Variants in DUSP16 observed in about 807,000 individuals in gnomAD.
DUSP16 encodes dual specificity protein phosphatase 16.
DUSP16 carries 21 observed loss-of-function variants against 58.3 expected under a neutral mutation model. The observed-to-expected ratio is 0.36, with a 90% CI of 0.26 to 0.52. The LOEUF (loss-of-function observed/expected upper bound fraction) is 0.52, where lower values mean the gene tolerates loss of function less well. DUSP16 is among the 20% of genes least tolerant of loss of function. The pLI is 0.94. For synonymous variants in DUSP16, 320 were observed against 323.8 expected (o/e 0.99, Z 0.12); for missense variants, 726 against 819.0 (o/e 0.89, Z 1.39).
Position 12,477,827 on chromosome 12 carries a change from G to T in DUSP16, c.1004C>A (p.Thr335Lys). Residue 335 changes from threonine to lysine, a missense_variant, in exon 7 of 7, where the codon ACG (threonine) becomes AAG (lysine). Thr to Lys is a moderately conservative substitution (Grantham distance 78, BLOSUM62 -1). Transcript: ENST00000298573. This position sits in a 1 kb window ranked among gnomAD's most constrained non-coding sequence, Gnocchi z 4.1. ...GTCGGCACAGGGTGGACTGAGGGGC[G>T]TCTCGCTTTTCTGTCCACCCTCTGA... ...AVSEGGQKSETPLSPPCADSA... is the reference protein window; with the variant it reads ...AVSEGGQKSEKPLSPPCADSA... The T allele has an allele frequency of 6.2e-7, 1 of 1,614,062 alleles. No individual in the cohort carries two copies. Among genetic ancestry groups the T allele is most frequent in the Admixed American group, 1.7e-5 (1 of 60,026 alleles).
At chr12:12,532,927 G>T (rs1299733909) in intron 1 of DUSP16, among the ~76,000 whole-genome samples, 2 of 144,322 alleles carry the variant, frequency 1.4e-5, no homozygotes, top group Non-Finnish European at 3.0e-5. Flanking sequence ...CAGCCTGGGG[G>T]ACGAGAGCGA....
At chr12:12,506,709 C>G (rs1282546259) in intron 3 of DUSP16, among the ~76,000 whole-genome samples, 3 of 152,226 alleles carry the variant, frequency 2.0e-5, no homozygotes, top group Non-Finnish European at 4.4e-5. Flanking sequence ...TATTTCCAGC[C>G]TGCTGAGAAA....
intron 3 of DUSP16, among the ~76,000 whole-genome samples, chr12:12,509,639 G>A (rs1162870959): frequency 6.6e-6 from 1 of 152,116 alleles, no homozygotes; most frequent in African/African-American, 2.4e-5. Flanking sequence ...TACTTCTCCA[G>A]CTATTGTGAG....
intron 1 of DUSP16, among the ~76,000 whole-genome samples, chr12:12,553,443 G>A (rs1242235887): frequency 6.6e-6 from 1 of 152,086 alleles, no homozygotes; most frequent in African/African-American, 2.4e-5. Flanking sequence ...TGTCTTCCAA[G>A]GATAAAAGAG....
At chr12:12,532,173 A>T (rs992298778) in intron 1 of DUSP16, among the ~76,000 whole-genome samples, 36 of 151,446 alleles carry the variant, frequency 2.4e-4, no homozygotes, top group African/African-American at 6.1e-4. Context: ...TCAAAAAAAA[A>T]ACAAAACAAA....
intron 1 of DUSP16, among the ~76,000 whole-genome samples, chr12:12,536,510 C>T (rs1009979702): frequency 2.6e-5 from 4 of 152,134 alleles, no homozygotes; most frequent in African/African-American, 9.7e-5. Flanking sequence ...TTTGGGAGGC[C>T]GAGGCTGATG....
intron 1 of DUSP16, among the ~76,000 whole-genome samples, chr12:12,527,471 AAC>A (rs929793753): frequency 6.6e-5 from 10 of 152,102 alleles, no homozygotes; most frequent in African/African-American, 2.4e-4. Context: ...AATAAAAACA[AAC>A]ACAAAAAACC....
At chr12:12,487,485 A>C (rs1943702044) in intron 4 of DUSP16, among the ~76,000 whole-genome samples, 1 of 152,236 alleles carries the variant, frequency 6.6e-6, no homozygotes, top group African/African-American at 2.4e-5. Context: ...CAAAGAATAC[A>C]AAAGAAAACA....
chr12:12,553,995 T>G (rs527779497), intron 1 of DUSP16, among the ~76,000 whole-genome samples: 29 of 152,074 alleles, frequency 1.9e-4, no homozygotes, highest in African/African-American at 7.0e-4. Flanking sequence ...GTCAGGAGTT[T>G]GAGACCAGCC....
intron 3 of DUSP16, among the ~76,000 whole-genome samples, chr12:12,518,317 C>T (rs1196637233): frequency 6.6e-6 from 1 of 152,062 alleles, no homozygotes; most frequent in Non-Finnish European, 1.5e-5. Flanking sequence ...AGTTCGAGAC[C>T]AGACTGGCCA....
At position 12,477,682 on chromosome 12, in the gene DUSP16, C is replaced by T; in HGVS notation, c.1149G>A (p.Leu383=). Residue 383 remains leucine, a synonymous_variant, in exon 7 of 7, where the codon CTG becomes CTA. Coordinates refer to ENST00000298573, the MANE Select transcript of DUSP16 (RefSeq NM_030640.3). This position sits in a 1 kb window ranked among gnomAD's most constrained non-coding sequence, Gnocchi z 4.1. Reference sequence around the variant, plus strand: ...CTTCCAGCCTGTCTGCGGACAGGTGCAGCCCACTGAGCGCCTGTACCAGCG... The same window carrying T: ...CTTCCAGCCTGTCTGCGGACAGGTGTAGCCCACTGAGCGCCTGTACCAGCG... ...DSPLVQALSG[L]HLSADRLEDS... is the part of the protein sequence containing the mutation. 1 of 1,613,814 alleles carries T rather than the reference C, an allele frequency of 6.2e-7. No homozygotes were observed. Among genetic ancestry groups the T allele is most frequent in the Non-Finnish European group, 8.5e-7 (1 of 1,179,814 alleles).
At chr12:12,509,856 G>A (rs1944050110) in intron 3 of DUSP16, among the ~76,000 whole-genome samples, 1 of 152,176 alleles carries the variant, frequency 6.6e-6, no homozygotes, top group African/African-American at 2.4e-5. Context: ...GTTGGTGTGG[G>A]TGGGGGCACA....
At chr12:12,500,376 G>A (rs561858823) in intron 4 of DUSP16, 143 bp downstream of exon 4, 31 of 919,698 alleles carry the variant, frequency 3.4e-5, no homozygotes, top group East Asian at 5.8e-5. Context: ...AAGAGATGAC[G>A]CAACTGTTAC....
chr12:12,551,833 C>T (rs1944733037), intron 1 of DUSP16, among the ~76,000 whole-genome samples: 1 of 151,990 alleles, frequency 6.6e-6, no homozygotes, highest in Admixed American at 6.6e-5. Flanking sequence ...GCTAGGACTA[C>T]AGGCGTGCAC....
Position 12,473,806 on chromosome 12 carries a change from G to C in DUSP16, c.*3027C>G, listed in dbSNP as rs1228617378. On this transcript the variant is annotated 3_prime_UTR_variant, in exon 7 of 7. Coordinates refer to ENST00000298573, the MANE Select transcript of DUSP16 (RefSeq NM_030640.3). Reference sequence around the variant, plus strand: ...ATGTATGTGGCAAGGACAAAGGACAGCTCTTCAACAATTGCCCTTCCTGTT... The same window carrying C: ...ATGTATGTGGCAAGGACAAAGGACACCTCTTCAACAATTGCCCTTCCTGTT... Among the ~76,000 whole-genome samples the C allele has an allele frequency of 6.6e-6, 1 of 152,194 alleles. No homozygotes were observed. Among genetic ancestry groups the C allele is most frequent in the Non-Finnish European group, 1.5e-5 (1 of 68,038 alleles).
chr12:12,524,587 T>C (rs1373242729), intron 1 of DUSP16, among the ~76,000 whole-genome samples: 2 of 152,242 alleles, frequency 1.3e-5, no homozygotes, highest in African/African-American at 4.8e-5. Flanking sequence ...ATTTGAAAGA[T>C]GACAAGAGAA....
chr12:12,478,133 G>T (rs1316741938), intron 6 of DUSP16, 118 bp from the exon 7 acceptor site: 4 of 965,594 alleles, frequency 4.1e-6, no homozygotes, highest in African/African-American at 1.6e-5. Flanking sequence ...TTTGGAAGAT[G>T]ATTGGTTTAC....
chr12:12,476,852 T>C lies in DUSP16; in HGVS notation c.1979A>G (p.Glu660Gly), dbSNP rs1340832698. 1.9e-6 allele frequency: 3 copies of C among 1,607,572 alleles called. No individual in the cohort carries two copies. The highest frequency in any genetic ancestry group is 3.3e-5 in the Admixed American group (2 of 59,806). ...TTCTTCTCAGGAGACCTCAATGATTTCCATGCTGCCCGAAAAGCTAGACTG... is the reference window on the plus strand; with the variant it reads ...TTCTTCTCAGGAGACCTCAATGATTCCCATGCTGCCCGAAAAGCTAGACTG... ...GSQSSFSGSM[E>G]IIEVS The change falls in exon 7 of 7, where the codon GAA (glutamate) becomes GGA (glycine). Residue 660 changes from glutamate to glycine, a missense_variant. Transcript: ENST00000298573.
intron 3 of DUSP16, among the ~76,000 whole-genome samples, chr12:12,505,290 C>T (rs2136217595): frequency 6.6e-6 from 1 of 152,324 alleles, no homozygotes; most frequent in African/African-American, 2.4e-5. Context: ...GGGTCCTGGC[C>T]TCCCCAGCTG....
Sources: gnomAD v4.1 joint callset for allele counts (sites outside exome capture counted in the v4.1 genomes callset) on GRCh38, gnomAD v4.1.1 for gene constraint, Gnocchi (gnomAD v3.1) non-coding constraint, MANE v1.5 for transcripts, NCBI Gene and HGNC (gene_info 2026-07-23, HGNC 2026-07-21) for gene names.